Variants in EFR3B observed in about 807,000 individuals in gnomAD.
EFR3B encodes EFR3 homolog B.
Under a neutral mutation model 104.7 loss-of-function variants are expected in EFR3B, and 64 were observed. That is an observed-to-expected ratio of 0.61 (90% CI 0.50 to 0.75). The LOEUF (loss-of-function observed/expected upper bound fraction) is 0.75, where lower values mean the gene tolerates loss of function less well. EFR3B is among the 30% of genes least tolerant of loss of function. The pLI is 0.00. For missense variants in EFR3B, 750 were observed against 1,078.5 expected, an observed-to-expected ratio of 0.70 and a Z score of 4.27; for synonymous variants, 385 against 417.9, an observed-to-expected ratio of 0.92 and a Z score of 0.96.
intron 10 of EFR3B, 73 bp from the exon 11 acceptor site, chr2:25,132,830 A>T: frequency 7.8e-7 from 1 of 1,285,696 alleles, no homozygotes; most frequent in Non-Finnish European, 1.1e-6. Flanking sequence ...CGCTCTCTGC[A>T]GCTGAAAGGC....
Position 25,154,417 on chromosome 2 carries a change from G to A in EFR3B, c.*77G>A, listed in dbSNP as rs536533708. On this transcript the variant is annotated 3_prime_UTR_variant, in exon 23 of 23. Transcript: ENST00000403714. The surrounding 1 kb of genome is among the most constrained non-coding windows in gnomAD (Gnocchi z 4.1). ...CTCACGCCCACCCCGACCACATGGA[G>A]ATCTGGCTGTGATCTCTGAGAAAAC... 3 of 1,306,736 alleles carry A rather than the reference G, an allele frequency of 2.3e-6. No homozygotes were observed. The highest frequency in any genetic ancestry group is 3.0e-5 in the African/African-American group (2 of 67,586). The allele number at this position is 1,306,736 out of a possible 1,614,324, so 80.9% of individuals were successfully genotyped here.
chr2:25,126,363 CTTTT>C (rs869190804), intron 5 of EFR3B, among the ~76,000 whole-genome samples: 1 of 143,646 alleles, frequency 7.0e-6, no homozygotes, highest in African/African-American at 2.5e-5. Flanking sequence ...TAATTTCTTT[CTTTT>C]TTTTTTTTTT....
chr2:25,084,161 G>T (rs1010964973), intron 1 of EFR3B, among the ~76,000 whole-genome samples: 2 of 152,066 alleles, frequency 1.3e-5, no homozygotes, highest in African/African-American at 4.8e-5. Flanking sequence ...GATAAAAATA[G>T]TACCTATGCC....
rs752242339 is a variant in EFR3B, at chr2:25,130,672, G to T, written c.849+42G>T. On this transcript the variant is annotated intron_variant, in intron 8 of 22. Coordinates refer to ENST00000403714, the MANE Select transcript of EFR3B (RefSeq NM_014971.2). The surrounding 1 kb of genome is among the most constrained non-coding windows in gnomAD (Gnocchi z 4.6). Reference sequence around the variant, plus strand: ...GGGCCAGCCGGATCCCAGGACAAAGGCCTCTCTAGAAGCTAGACGGGTGCT... The same window carrying T: ...GGGCCAGCCGGATCCCAGGACAAAGTCCTCTCTAGAAGCTAGACGGGTGCT... 5.3e-6 allele frequency: 8 copies of T among 1,509,306 alleles called. 1 individual carries two copies. In the South Asian group the frequency reaches 7.2e-5, roughly 14 times the overall value. 93.5% of individuals were successfully genotyped at this position (1,509,306 alleles called of 1,614,324 possible). A position where few individuals can be genotyped will look rare whatever the true frequency, so the allele number is the denominator to read the frequency against.
At chr2:25,051,729 G>A (rs1406707284) in intron 1 of EFR3B, among the ~76,000 whole-genome samples, 1 of 148,508 alleles carries the variant, frequency 6.7e-6, no homozygotes, top group African/African-American at 2.5e-5. Context: ...TCCGCTTCCC[G>A]GGTTCAAGTG....
At chr2:25,096,055 G>A (rs538865488) in intron 3 of EFR3B, among the ~76,000 whole-genome samples, 6 of 151,624 alleles carry the variant, frequency 4.0e-5, no homozygotes, top group Admixed American at 6.6e-5. Context: ...TCAGTCTGTC[G>A]CCCAGGCTGG....
intron 2 of EFR3B, among the ~76,000 whole-genome samples, chr2:25,092,721 G>C (rs545858644): frequency 6.6e-6 from 1 of 151,812 alleles, no homozygotes; most frequent in African/African-American, 2.4e-5. Context: ...GCTAATTTTT[G>C]TATTTTTAGT....
At chr2:25,142,011 G>A (rs1243952711) in intron 17 of EFR3B, among the ~76,000 whole-genome samples, 5 of 152,230 alleles carry the variant, frequency 3.3e-5, no homozygotes, top group Middle Eastern at 3.4e-3. Flanking sequence ...TTAAAAATAC[G>A]GGACTAAGCT....
chr2:25,109,172 C>CA (rs57184887), intron 4 of EFR3B, among the ~76,000 whole-genome samples: 17,681 of 145,736 alleles, frequency 0.12, 2,529 homozygotes, highest in African/African-American at 0.35. Context: ...GACTTAACAA[C>CA]AAAAAAAAAA....
chr2:25,093,204 G>C, intron 3 of EFR3B, 74 bp downstream of exon 3: 1 of 1,506,086 alleles, frequency 6.6e-7, no homozygotes, highest in Non-Finnish European at 8.9e-7. Flanking sequence ...GTCCTTTTAA[G>C]AAAATGATGG....
intron 1 of EFR3B, among the ~76,000 whole-genome samples, chr2:25,060,636 G>A (rs534784054): frequency 2.6e-5 from 4 of 152,078 alleles, no homozygotes; most frequent in Admixed American, 1.3e-4. Context: ...ACTAGCCACT[G>A]TCGGCCGGGC....
In EFR3B at chr2:25,137,890, G is replaced by A. The variant is rs990672605; in HGVS notation, c.1722+388G>A. Among the ~76,000 whole-genome samples, 1 of 152,158 alleles carries A rather than the reference G, an allele frequency of 6.6e-6. No homozygotes were observed. The highest frequency in any genetic ancestry group is 1.5e-5 in the Non-Finnish European group (1 of 68,022). ...TGTCTAAAGATTCTCTGGTTCCCTT[G>A]GCCGGGCGTGGTGGCTCATGCCTGT... is the stretch of plus-strand genomic sequence containing the variant. On this transcript the variant is annotated intron_variant, in intron 15 of 22. Coordinates refer to ENST00000403714, the MANE Select transcript of EFR3B (RefSeq NM_014971.2). This position sits in a 1 kb window ranked among gnomAD's most constrained non-coding sequence, Gnocchi z 4.7.
chr2:25,096,910 T>C (rs1283664227), intron 3 of EFR3B, among the ~76,000 whole-genome samples: 1 of 152,226 alleles, frequency 6.6e-6, no homozygotes, highest in East Asian at 1.9e-4. Context: ...GTTTCTGTGA[T>C]CATTTTATAT....
intron 1 of EFR3B, among the ~76,000 whole-genome samples, chr2:25,071,880 A>T (rs754543996): frequency 4.6e-5 from 7 of 152,182 alleles, no homozygotes; most frequent in African/African-American, 1.7e-4. Context: ...AGAGAAATAG[A>T]TGCTGGTTCT....
At chr2:25,132,276 C>G (rs186368303) in intron 10 of EFR3B, among the ~76,000 whole-genome samples, 2 of 152,174 alleles carry the variant, frequency 1.3e-5, no homozygotes, top group Admixed American at 1.3e-4. Context: ...AAGTCTCAGG[C>G]GAACCTTCTT....
intron 2 of EFR3B, 100 bp from the exon 3 acceptor site, chr2:25,092,901 ACT>A (rs1669172291): frequency 2.8e-6 from 4 of 1,405,688 alleles, no homozygotes; most frequent in African/African-American, 1.4e-5. Flanking sequence ...CATAAAGGAC[ACT>A]CTGTAAATGT....
At position 25,046,629 on chromosome 2, in the gene EFR3B, A is replaced by G. The variant is rs796473393; in HGVS notation, c.7+4310A>G. On this transcript the variant is annotated intron_variant, in intron 1 of 22. Coordinates refer to ENST00000403714, the MANE Select transcript of EFR3B (RefSeq NM_014971.2). ...CGCCATTCTCCTGCCTCAGCCTCCC[A>G]AGTAGCTGGGACTACAGGCGTCCAC... is the stretch of plus-strand genomic sequence containing the variant. Among the ~76,000 whole-genome samples, 117 of 147,794 alleles carry G rather than the reference A, an allele frequency of 7.9e-4. 1 individual carries two copies. Among genetic ancestry groups the G allele is most frequent in the African/African-American group, 2.8e-3 (113 of 39,946 alleles).
chr2:25,139,809 A>G (rs576215745), intron 16 of EFR3B, among the ~76,000 whole-genome samples: 11 of 152,310 alleles, frequency 7.2e-5, no homozygotes, highest in Non-Finnish European at 1.5e-4. Context: ...CACTCTATGT[A>G]TATCCGTCTG....
chr2:25,073,896 C>A (rs1029839129), intron 1 of EFR3B, among the ~76,000 whole-genome samples: 2 of 152,178 alleles, frequency 1.3e-5, no homozygotes, highest in African/African-American at 4.8e-5. Flanking sequence ...GGAGCACACA[C>A]CCTCCTTTGA....
Sources: allele counts gnomAD v4.1 joint callset (sites outside exome capture counted in the v4.1 genomes callset), GRCh38; gene constraint gnomAD v4.1.1; non-coding constraint Gnocchi (gnomAD v3.1); transcripts MANE v1.5; gene names NCBI Gene and HGNC (gene_info 2026-07-23, HGNC 2026-07-21).